The following TBC1D28 variants were observed in gnomAD, a reference collection of about 807,000 sequenced individuals.
TBC1D28 encodes the protein TBC1 domain family member 28, also known as TBC1 domain family, member 28.
In TBC1D28, 20 loss-of-function variants were observed where a neutral mutation model predicts 29.2. The observed-to-expected ratio is 0.68, with a 90% CI of 0.48 to 0.99. The LOEUF is 0.99. Among genes scored for constraint, TBC1D28 ranks in the 50% least tolerant of loss-of-function variants. The pLI, the probability that TBC1D28 is intolerant of heterozygous loss-of-function variation, is 0.00. For missense variants in TBC1D28, 205 were observed against 243.7 expected (o/e 0.84, Z 1.06); for synonymous variants, 65 against 90.9 (o/e 0.71, Z 1.62).
In TBC1D28 at chr17:18,638,368, A is replaced by T. The variant is rs759320136; in HGVS notation, c.332T>A (p.Leu111Ter). 1.2e-6 allele frequency: 2 copies of T among 1,614,240 alleles called. No individual in the cohort carries two copies. Among genetic ancestry groups the T allele is most frequent in the Non-Finnish European group, 1.7e-6 (2 of 1,180,044 alleles). ...TTTGTCAATATCTAGCAAAAGTGAC[A>T]ACGCCCGGCCCCGCACCGCCAGGGG... Residue 111 changes from leucine (L) to a stop codon, truncating the protein, a stop_gained, in exon 7 of 9, where the codon TTG becomes TAG. Coordinates refer to ENST00000345096, the Ensembl canonical transcript of TBC1D28. LOFTEE classifies it high-confidence loss of function.
intron 6 of TBC1D28, 59 bp downstream of exon 7, chr17:18,638,562 G>T: frequency 6.2e-7 from 1 of 1,606,426 alleles, no homozygotes; most frequent in Non-Finnish European, 8.5e-7. Flanking sequence ...AAAACCATGG[G>T]CGCCTGTCTC....
chr17:18,640,338 TCAG>T (rs1215748903), intron 4 of TBC1D28, among the ~76,000 whole-genome samples: 1 of 144,410 alleles, frequency 6.9e-6, no homozygotes, highest in Non-Finnish European at 1.5e-5. Flanking sequence ...GTGGCAGGTC[TCAG>T]GGGCTCACCC....
Position 18,637,792 on chromosome 17 carries a change from C to T in TBC1D28, c.497+72G>A, listed in dbSNP as rs1378441405. On this transcript the variant is annotated intron_variant, in intron 8 of 8. Transcript: ENST00000345096. Reference sequence around the variant, plus strand: ...CTCTCCTGGGTGACCCTGGCCTCTGCCCTGGGGACAACCTCATTCCTCTGG... The same window carrying T: ...CTCTCCTGGGTGACCCTGGCCTCTGTCCTGGGGACAACCTCATTCCTCTGG... 5 of 1,607,464 alleles carry T rather than the reference C, an allele frequency of 3.1e-6. No individual in the cohort carries two copies. In the East Asian group the frequency reaches 1.1e-4, roughly 36 times the overall value.
chr17:18,643,805 C>T (rs1412424177), upstream of TBC1D28, among the ~76,000 whole-genome samples: 2 of 152,224 alleles, frequency 1.3e-5, no homozygotes, highest in African/African-American at 4.8e-5. Flanking sequence ...GTGGGTCCCA[C>T]GGAGACCCTC....
exon 9 of TBC1D28, chr17:18,635,281 G>C (rs2031440474): frequency 6.5e-6 from 1 of 153,198 alleles, no homozygotes; most frequent in Admixed American, 6.5e-5. Flanking sequence ...CCAGCAAAGG[G>C]CAGCTTGTGC....
chr17:18,634,766 G>A (rs1480205688), downstream of TBC1D28, among the ~76,000 whole-genome samples: 1 of 152,006 alleles, frequency 6.6e-6, no homozygotes, highest in Admixed American at 6.5e-5. Flanking sequence ...TGGACCCTGC[G>A]GCAGGGACCG....
At chr17:18,641,238 C>T (rs548627371) in intron 3 of TBC1D28, 40 bp downstream of exon 4, 7 of 1,579,874 alleles carry the variant, frequency 4.4e-6, no homozygotes, top group African/African-American at 2.8e-5. Flanking sequence ...GCGGGAGAGG[C>T]GAGGCCCTGC....
rs533624787 is a variant in TBC1D28 at position 18,637,314 on chromosome 17, G to A, written c.497+550C>T. On this transcript the variant is annotated intron_variant, in intron 8 of 8. Transcript: ENST00000345096. ...ATCAAGCGGTGAACGTCACATGCGGGTTTTACTTGGACGTCAGTTTTCAAA... is the reference window on the plus strand; with the variant it reads ...ATCAAGCGGTGAACGTCACATGCGGATTTTACTTGGACGTCAGTTTTCAAA... Among the ~76,000 whole-genome samples the A allele has an allele frequency of 6.5e-5, 6 of 92,038 alleles. 2 individuals carry two copies. The highest frequency in any genetic ancestry group is 1.2e-4 in the Non-Finnish European group (6 of 50,226). The allele number at this position is 92,038 out of a possible 152,430, so 60.4% of individuals were successfully genotyped here.
exon 9 of TBC1D28, chr17:18,636,348 C>G (rs2031494035): frequency 6.6e-7 from 1 of 1,513,754 alleles, no homozygotes; most frequent in Non-Finnish European, 8.8e-7. Context: ...ATTTCTTCAT[C>G]TGAGATGTGG....
exon 9 of TBC1D28, chr17:18,636,154 A>G: frequency 8.5e-7 from 1 of 1,171,742 alleles, no homozygotes; most frequent in Non-Finnish European, 1.1e-6. Context: ...GCAAAGGGGA[A>G]ATTGGATCCT....
chr17:18,640,929 G>A, intron 4 of TBC1D28, 93 bp downstream of exon 5: 1 of 408,100 alleles, frequency 2.5e-6, no homozygotes, highest in South Asian at 2.2e-5. Context: ...CCCAGCCAGG[G>A]AGACATGTCC....
chr17:18,636,669 C>T (rs1046114813), intron 8 of TBC1D28, 72 bp from the exon 10 acceptor site: 2 of 1,561,124 alleles, frequency 1.3e-6, no homozygotes, highest in African/African-American at 2.7e-5. Context: ...TCTACAAACC[C>T]AAATAACGAA....
upstream of TBC1D28, chr17:18,643,031 T>C (rs1278364391): frequency 1.3e-5 from 2 of 152,248 alleles, no homozygotes; most frequent in African/African-American, 4.8e-5. Context: ...TGTGCACGAG[T>C]AGCGTCTCTG....
At chr17:18,637,447 TC>T (rs2031551481) in intron 8 of TBC1D28, among the ~76,000 whole-genome samples, 1 of 138,984 alleles carries the variant, frequency 7.2e-6, no homozygotes, top group Admixed American at 7.2e-5. Flanking sequence ...CCTGTCACGT[TC>T]CCACCAGCCA....
chr17:18,638,773 A>G, intron 5 of TBC1D28, 72 bp from the exon 7 acceptor site: 1 of 1,606,812 alleles, frequency 6.2e-7, no homozygotes, highest in Non-Finnish European at 8.5e-7. Flanking sequence ...TGCTGGGTCC[A>G]GGGCTTTGGG....
chr17:18,638,729 C>T (rs377333168), intron 5 of TBC1D28, 28 bp from the exon 7 acceptor site: 27 of 1,613,966 alleles, frequency 1.7e-5, no homozygotes, highest in African/African-American at 8.0e-5. Context: ...ATGGAGTTAG[C>T]GGAGCTGTCA....
At chr17:18,635,578 T>C (rs2031456890) in exon 9 of TBC1D28, 1 of 1,009,366 alleles carries the variant, frequency 9.9e-7, no homozygotes, top group African/African-American at 1.7e-5. Context: ...CAAGAGATCA[T>C]GGCCCAGAGC....
intron 2 of TBC1D28, 89 bp from the exon 4 acceptor site, chr17:18,641,442 C>A (rs1203471695): frequency 5.7e-6 from 6 of 1,044,032 alleles, no homozygotes; most frequent in Non-Finnish European, 8.7e-6. Context: ...CAGACACACT[C>A]CAGTCTGGTG....
chr17:18,643,426 C>T (rs907377570), upstream of TBC1D28, among the ~76,000 whole-genome samples: 1 of 150,396 alleles, frequency 6.6e-6, no homozygotes, highest in Non-Finnish European at 1.5e-5. Flanking sequence ...CTGGCCAGGC[C>T]CCCACTAACC....
Sources: gnomAD v4.1 joint callset for allele counts (sites outside exome capture counted in the v4.1 genomes callset) on GRCh38, gnomAD v4.1.1 for gene constraint, MANE v1.5 for transcripts, NCBI Gene and HGNC (gene_info 2026-07-23, HGNC 2026-07-21) for gene names.